Variants in C9orf43 observed in about 807,000 individuals in gnomAD.
C9orf43 encodes chromosome 9 open reading frame 43.
A neutral mutation model predicts 59.1 loss-of-function variants in C9orf43; 45 were observed. The observed-to-expected ratio is 0.76, with a 90% CI of 0.60 to 0.98. The LOEUF (loss-of-function observed/expected upper bound fraction) is 0.98, where lower values mean the gene tolerates loss of function less well. Among genes scored for constraint, C9orf43 ranks in the 50% least tolerant of loss-of-function variants. C9orf43 has a pLI of 0.00. For missense variants in C9orf43, 533 were observed against 554.9 expected (o/e 0.96, Z 0.40); for synonymous variants, 203 against 196.8 (o/e 1.03, Z -0.26).
At chr9:113,420,955 T>G (rs775364315) in intron 4 of C9orf43, 148 bp from the exon 5 acceptor site, 104 of 841,082 alleles carry the variant, frequency 1.2e-4, no homozygotes, top group Middle Eastern at 3.5e-4. Flanking sequence ...TAGTCTGTTT[T>G]TTTTGGGAGA....
Position 113,419,164 on chromosome 9 carries a change from A to C in C9orf43, c.344A>C (p.Lys115Thr), listed in dbSNP as rs957377786. The change falls in exon 4 of 14, where the codon AAA becomes ACA. Residue 115 changes from lysine to threonine, a missense_variant and splice_region_variant. Coordinates refer to ENST00000374165, the MANE Select transcript of C9orf43 (RefSeq NM_001278629.2). Reference protein sequence around the residue: ...SLINCTNRLPKFPVLNLNETQ... With the variant: ...SLINCTNRLPTFPVLNLNETQ... ...ATCAACTGTACTAACAGACTTCCCA[A>C]AGTAAGTCATAGATTTTAAAAGTAC... The C allele has an allele frequency of 9.3e-6, 15 of 1,604,690 alleles. No homozygotes were observed. The highest frequency in any genetic ancestry group is 1.0e-5 in the Non-Finnish European group (12 of 1,175,150).
intron 7 of C9orf43, 127 bp downstream of exon 7, chr9:113,423,625 A>T: frequency 1.1e-6 from 1 of 880,386 alleles, no homozygotes; most frequent in South Asian, 1.8e-5. Flanking sequence ...TTGTTTACTG[A>T]ACTCTTGGAC....
At chr9:113,423,256 A>G in intron 6 of C9orf43, 70 bp from the exon 7 acceptor site, 2 of 1,489,360 alleles carry the variant, frequency 1.3e-6, no homozygotes, top group South Asian at 2.5e-5. Flanking sequence ...TTGAGAGGCT[A>G]GAATGTTGAT....
Position 113,410,918 on chromosome 9 carries a change from A to C in C9orf43, c.-133A>C, listed in dbSNP as rs563901238. 8 of 985,918 alleles carry C rather than the reference A, an allele frequency of 8.1e-6. No homozygotes were observed. Among genetic ancestry groups the C allele is most frequent in the Non-Finnish European group, 9.6e-6 (8 of 829,924 alleles). The allele number at this position is 985,918 out of a possible 1,614,324, so 61.1% of individuals were successfully genotyped here. A position where few individuals can be genotyped will look rare whatever the true frequency, so the allele number is the denominator to read the frequency against. ...TCCCACTTTCTTTTTTCTTTCCTGG[A>C]ATGGAGTGGGCAGTCTTTTTCCATC... On this transcript the variant is annotated 5_prime_UTR_variant, in exon 1 of 14. Coordinates refer to ENST00000374165, the MANE Select transcript of C9orf43 (RefSeq NM_001278629.2).
Position 113,425,654 on chromosome 9 carries a change from G to T in C9orf43, c.954G>T (p.Lys318Asn). The T allele has an allele frequency of 6.2e-7, 1 of 1,614,014 alleles. No individual in the cohort carries two copies. The highest frequency in any genetic ancestry group is 1.1e-5 in the South Asian group (1 of 91,058). The change falls in exon 11 of 14, where the codon AAG becomes AAT. Residue 318 changes from lysine (K) to asparagine (N), a missense_variant. Transcript: ENST00000374165. ...GATGTGGGTTTCAGGAGGCTAAAAA[G>T]AAAGCCAAGAGTGATCCAGGGATCC... ...KTPIKKQEAK[K>N]KAKSDPGIQS...
intron 1 of C9orf43, among the ~76,000 whole-genome samples, chr9:113,412,299 A>C (rs1474947908): frequency 1.3e-5 from 2 of 152,316 alleles, no homozygotes; most frequent in South Asian, 4.1e-4. Context: ...CAATTTTAAA[A>C]TTGATTCAAA....
At chr9:113,420,945 T>C (rs1032743082) in intron 4 of C9orf43, 158 bp from the exon 5 acceptor site, 1 of 370,624 alleles carries the variant, frequency 2.7e-6, no homozygotes, top group African/African-American at 2.2e-5. Flanking sequence ...TTTGATGGAG[T>C]AGTCTGTTTT....
chr9:113,421,037 T>C, intron 4 of C9orf43, 66 bp from the exon 5 acceptor site: 1 of 1,257,436 alleles, frequency 8.0e-7, no homozygotes, highest in Non-Finnish European at 1.2e-6. Flanking sequence ...TTGCTTAGCA[T>C]ATCCTTAATC....
At chr9:113,427,080 C>A (rs1828819028) in intron 11 of C9orf43, among the ~76,000 whole-genome samples, 1 of 152,164 alleles carries the variant, frequency 6.6e-6, no homozygotes, top group South Asian at 2.1e-4. Flanking sequence ...TAGGCAGGGG[C>A]TTGTATGGAC....
chr9:113,425,053 A>G lies in C9orf43; in HGVS notation c.842A>G (p.Lys281Arg). The change falls in exon 9 of 14, where the codon AAA becomes AGA. Residue 281 changes from lysine to arginine, a missense_variant. By Grantham distance (26) the Lys-to-Arg change is conservative (BLOSUM62 2). Coordinates refer to ENST00000374165, the MANE Select transcript of C9orf43 (RefSeq NM_001278629.2). The part of the protein sequence containing the change: ...PALRYPERLK[K>R]LHNLKTEGYR... The stretch of plus-strand genomic sequence containing the variant: ...CTGCGATATCCTGAACGTTTGAAGA[A>G]ATTACATAACCTGAAGACAGAAGGT... 6 of 1,613,298 alleles carry G rather than the reference A, an allele frequency of 3.7e-6. No individual in the cohort carries two copies. Among genetic ancestry groups the G allele is most frequent in the Non-Finnish European group, 5.1e-6 (6 of 1,179,988 alleles).
chr9:113,425,004 T>A lies in C9orf43; in HGVS notation c.808-15T>A, dbSNP rs1828731065. ...CCTGCAGTAGAGCTTTTCTTTTTCT[T>A]TTTTCTTTCTCCAGAGACCAGCACT... On this transcript the variant is annotated splice_polypyrimidine_tract_variant and intron_variant, in intron 8 of 13. Coordinates refer to ENST00000374165, the MANE Select transcript of C9orf43 (RefSeq NM_001278629.2). The A allele has an allele frequency of 8.1e-6, 13 of 1,607,114 alleles. No homozygotes were observed. The highest frequency in any genetic ancestry group is 1.7e-5 in the Admixed American group (1 of 59,830).
chr9:113,424,031 A>G (rs1828688160), intron 7 of C9orf43, 135 bp from the exon 8 acceptor site: 6 of 914,080 alleles, frequency 6.6e-6, no homozygotes, highest in East Asian at 5.0e-5. Context: ...GTGTTACCAA[A>G]TGAACACTTG....
chr9:113,413,562 A>G lies in C9orf43; in HGVS notation c.69A>G (p.Gln23=), dbSNP rs1828248863. ...GCTTGGCTGTTTGTCAGCACCCACAATGCTGGGCAACTATCCGCCGCATTG... is the reference window on the plus strand; with the variant it reads ...GCTTGGCTGTTTGTCAGCACCCACAGTGCTGGGCAACTATCCGCCGCATTG... The part of the protein sequence containing the change: ...TCGLAVCQHP[Q]CWATIRRIER... Residue 23 remains glutamine, a synonymous_variant, in exon 2 of 14, where the codon CAA becomes CAG. Coordinates refer to ENST00000374165, the MANE Select transcript of C9orf43 (RefSeq NM_001278629.2). 2 of 1,614,222 alleles carry G rather than the reference A, an allele frequency of 1.2e-6. No homozygotes were observed. Among genetic ancestry groups the G allele is most frequent in the Middle Eastern group, 1.7e-4 (1 of 6,060 alleles).
In C9orf43 at chr9:113,422,399, T is replaced by A. The variant is rs1447619310; in HGVS notation, c.447-150T>A. The A allele has an allele frequency of 5.3e-6, 6 of 1,124,012 alleles. No homozygotes were observed. The Admixed American group carries it at 1.6e-4, about 30-fold the overall frequency. The allele number at this position is 1,124,012 out of a possible 1,614,324, so 69.6% of individuals were successfully genotyped here. On this transcript the variant is annotated intron_variant, in intron 5 of 13. Coordinates refer to ENST00000374165, the MANE Select transcript of C9orf43 (RefSeq NM_001278629.2). The stretch of plus-strand genomic sequence containing the variant: ...GGGTTCCCAACCAGCTATCTTTGAG[T>A]ACTGATCAAAGATAGGAATCTTTGT...
chr9:113,428,211 C>A lies in C9orf43; in HGVS notation c.1095C>A (p.Thr365=). ...MKQQQQMEKG[T]TSKQDSTERP... ...AGCAGCAGCAGATGGAAAAAGGAACCACTTCGAAACAGGTGAGAGTGTACC... is the reference window on the plus strand; with the variant it reads ...AGCAGCAGCAGATGGAAAAAGGAACAACTTCGAAACAGGTGAGAGTGTACC... The change falls in exon 12 of 14, where the codon ACC becomes ACA. Residue 365 remains threonine, a synonymous_variant. Transcript: ENST00000374165. 1.9e-6 allele frequency: 3 copies of A among 1,614,140 alleles called. No homozygotes were observed. The highest frequency in any genetic ancestry group is 1.1e-5 in the South Asian group (1 of 91,080).
At position 113,423,344 on chromosome 9, in the gene C9orf43, G is replaced by T; in HGVS notation, c.502G>T (p.Gly168Cys). 6.2e-7 allele frequency: 1 copy of T among 1,613,750 alleles called. No individual in the cohort carries two copies. The highest frequency in any genetic ancestry group is 1.7e-5 in the Admixed American group (1 of 59,980). The stretch of plus-strand genomic sequence containing the variant: ...CTTCCAGAAAAGCAAGTCATTTCTG[G>T]GTCTCTCTGGAAATCAGTCCGCAGG... ...NSAVKSKSFL[G>C]LSGNQSAGTR... Residue 168 changes from glycine to cysteine, a missense_variant, in exon 7 of 14, where the codon GGT (glycine) becomes TGT (cysteine). Physicochemically the swap from Gly to Cys is radical, Grantham distance 159. Transcript: ENST00000374165.
At chr9:113,422,051 T>C (rs977004298) in intron 5 of C9orf43, among the ~76,000 whole-genome samples, 3 of 152,116 alleles carry the variant, frequency 2.0e-5, no homozygotes, top group African/African-American at 7.2e-5. Flanking sequence ...AGGTATAAGT[T>C]GGCTACTAGA....
At chr9:113,417,599 A>G (rs938584445) in intron 3 of C9orf43, among the ~76,000 whole-genome samples, 2 of 152,240 alleles carry the variant, frequency 1.3e-5, no homozygotes, top group African/African-American at 4.8e-5. Context: ...TTCCCAAGTC[A>G]GGGCACTGTC....
chr9:113,419,399 G>A (rs930594795), intron 4 of C9orf43, among the ~76,000 whole-genome samples: 13 of 152,230 alleles, frequency 8.5e-5, no homozygotes, highest in East Asian at 1.9e-4. Flanking sequence ...TGGGTTTGGC[G>A]TAGGTGAGAA....
Sources: gnomAD v4.1 joint callset for allele counts (sites outside exome capture counted in the v4.1 genomes callset) on GRCh38, gnomAD v4.1.1 for gene constraint, MANE v1.5 for transcripts, NCBI Gene and HGNC (gene_info 2026-07-23, HGNC 2026-07-21) for gene names.